The following DKC1 variants were observed in gnomAD, a reference collection of about 807,000 sequenced individuals.
DKC1 encodes the protein H/ACA ribonucleoprotein complex subunit DKC1.
A neutral mutation model predicts 46.7 loss-of-function variants in DKC1; 4 were observed. That is an observed-to-expected ratio of 0.09 (90% CI 0.04 to 0.20). The LOEUF is 0.20. DKC1 is among the 10% of genes least tolerant of loss of function. The probability of loss-of-function intolerance (pLI) is 1.00; values close to 1 mark genes in which losing one functional copy is unlikely to be tolerated. For synonymous variants in DKC1, 141 were observed against 142.4 expected, an observed-to-expected ratio of 0.99 and a Z score of 0.07; for missense variants, 171 against 404.2, an observed-to-expected ratio of 0.42 and a Z score of 4.95.
At chrX:154,771,025 AT>A in intron 10 of DKC1, 146 bp downstream of exon 10, 1 of 573,950 alleles carries the variant, frequency 1.7e-6, no homozygotes, top group Non-Finnish European at 2.8e-6. Flanking sequence ...CATCTTAAGC[AT>A]TTATCCTTTG....
chrX:154,768,083 G>A (rs2148511414), intron 7 of DKC1: 5 of 416,930 alleles, frequency 1.2e-5, no homozygotes, highest in Admixed American at 1.0e-4. Context: ...ATCTCCTGAC[G>A]TCGTGATCCA....
chrX:154,764,806 A>G, intron 1 of DKC1, 93 bp from the exon 2 acceptor site: 1 of 659,310 alleles, frequency 1.5e-6, no homozygotes, highest in East Asian at 3.3e-5. Flanking sequence ...CCTAAAATCC[A>G]TTTCCTACCT....
intron 4 of DKC1, 95 bp downstream of exon 4, chrX:154,766,093 T>C: frequency 4.0e-6 from 4 of 1,006,681 alleles, no homozygotes; most frequent in Non-Finnish European, 5.6e-6. Flanking sequence ...CCAGAATAGC[T>C]TTGTCTTGAA....
intron 10 of DKC1, among the ~76,000 whole-genome samples, chrX:154,772,392 A>C (rs1485340981): frequency 8.9e-6 from 1 of 111,812 alleles, no homozygotes; most frequent in African/African-American, 3.3e-5. Context: ...AAATGAGTTA[A>C]ATGTAGGTGT....
At chrX:154,765,336 A>G (rs2071731855) in intron 2 of DKC1, 108 bp from the exon 3 acceptor site, 4 of 669,053 alleles carry the variant, frequency 6.0e-6, no homozygotes, top group Non-Finnish European at 7.5e-6. Flanking sequence ...GTGAAAAGGC[A>G]TAGGAAGCCT....
Position 154,764,815 on chromosome X carries a change from C to T in DKC1, c.17-84C>T. 3 of 693,767 alleles carry T rather than the reference C, an allele frequency of 4.3e-6. No individual in the cohort carries two copies. In the Admixed American group the frequency reaches 6.7e-5, roughly 16 times the overall value. 57.2% of individuals were successfully genotyped at this position (693,767 alleles called of 1,213,427 possible). A position where few individuals can be genotyped will look rare whatever the true frequency, so the allele number is the denominator to read the frequency against. ...TGTAGACCTAAAATCCATTTCCTAC[C>T]TGCCCTAATTTCGGTCTTTATTTTA... On this transcript the variant is annotated intron_variant, in intron 1 of 14. Coordinates refer to ENST00000369550, the MANE Select transcript of DKC1 (RefSeq NM_001363.5).
intron 12 of DKC1, 186 bp downstream of exon 12, chrX:154,774,891 A>G: frequency 1.8e-6 from 1 of 569,850 alleles, no homozygotes; most frequent in Non-Finnish European, 3.2e-6. Flanking sequence ...GGGGAGGGGG[A>G]GTCACTTGGT....
intron 8 of DKC1, chrX:154,768,848 G>A (rs998721108): frequency 4.9e-4 from 131 of 269,985 alleles, no homozygotes; most frequent in Non-Finnish European, 7.7e-4. Flanking sequence ...TTAGCCGGGC[G>A]CGGTGGCGGG....
intron 5 of DKC1, 51 bp from the exon 6 acceptor site, chrX:154,766,946 A>C (rs1557264245): frequency 8.8e-7 from 1 of 1,133,166 alleles, no homozygotes; most frequent in South Asian, 1.8e-5. Flanking sequence ...AGAAATATGG[A>C]AAACAGAAAA....
intron 10 of DKC1, among the ~76,000 whole-genome samples, chrX:154,771,251 C>T (rs2071823167): frequency 1.1e-5 from 1 of 94,428 alleles, no homozygotes; most frequent in Admixed American, 1.3e-4. Context: ...AGTGCAGAGA[C>T]GTGACCTCGG....
intron 14 of DKC1, 152 bp downstream of exon 14, chrX:154,776,476 C>T: frequency 1.2e-6 from 1 of 852,119 alleles, no homozygotes; most frequent in Non-Finnish European, 1.7e-6. Flanking sequence ...TCCCCATGTT[C>T]CTGGAGTGCT....
chrX:154,767,986 G>A, intron 7 of DKC1: 1 of 271,761 alleles, frequency 3.7e-6, no homozygotes, highest in Non-Finnish European at 6.8e-6. Context: ...AAGTAGCTGG[G>A]ACTATAGGCG....
At chrX:154,766,053 A>C (rs2071741647) in intron 4 of DKC1, 55 bp downstream of exon 4, 1 of 1,054,404 alleles carries the variant, frequency 9.5e-7, no homozygotes, top group Non-Finnish European at 1.3e-6. Context: ...AAATGCTTTC[A>C]CATCAGCTAT....
rs147447481 is a variant in DKC1 at position 154,776,801 on chromosome X, C to T, written c.1479C>T (p.Asp493=). The change falls in exon 15 of 15, where the codon GAC becomes GAT. Residue 493 remains aspartate, a splice_region_variant and synonymous_variant. Coordinates refer to ENST00000369550, the MANE Select transcript of DKC1 (RefSeq NM_001363.5). ...GCTTTCATTCTCTTTCTTTCTAGGA[C>T]AGTGATACCACCAAGAAGAAGAAGA... ...LESGAEPGDG[D]SDTTKKKKKK... 2.5e-6 allele frequency: 3 copies of T among 1,204,804 alleles called. No homozygotes were observed. The highest frequency in any genetic ancestry group is 1.8e-5 in the African/African-American group (1 of 56,755).
rs369241109 is a variant in DKC1, at chrX:154,767,881, C to T, written c.641-421C>T. On this transcript the variant is annotated intron_variant, in intron 7 of 14. Coordinates refer to ENST00000369550, the MANE Select transcript of DKC1 (RefSeq NM_001363.5). ...TTTTTTTTTTTTTGAGACGGAGTCT[C>T]GCTCTGTCGCCCAGGCTGGAGTGCG... 6.4e-4 allele frequency: 73 copies of T among 114,746 alleles called. 2 individuals carry two copies. In the East Asian group the frequency reaches 0.016, roughly 26 times the overall value. 9.5% of individuals were successfully genotyped at this position (114,746 alleles called of 1,213,427 possible).
At chrX:154,766,036 C>A (rs2071741527) in intron 4 of DKC1, 38 bp downstream of exon 4, 9 of 1,111,688 alleles carry the variant, frequency 8.1e-6, no homozygotes, top group Non-Finnish European at 1.1e-5. Context: ...AACTTACTTT[C>A]TTTTGAAAAT....
intron 1 of DKC1, among the ~76,000 whole-genome samples, chrX:154,764,402 G>C (rs1557263934): frequency 9.2e-6 from 1 of 108,769 alleles, no homozygotes; most frequent in Non-Finnish European, 1.9e-5. Context: ...GTACACCTAG[G>C]CTACACTAAA....
At chrX:154,776,631 T>A in intron 14 of DKC1, among the ~76,000 whole-genome samples, 168 bp from the exon 15 acceptor site, 1 of 112,180 alleles carries the variant, frequency 8.9e-6, no homozygotes, top group Admixed American at 9.4e-5. Context: ...AGGGTGTCAC[T>A]GAAAGGTTTA....
intron 9 of DKC1, 132 bp from the exon 10 acceptor site, chrX:154,770,627 C>G: frequency 2.3e-6 from 2 of 867,923 alleles, no homozygotes; most frequent in Admixed American, 4.5e-5. Context: ...CCCCTTGCAG[C>G]TAGTGGGCTA....
Sources: allele counts gnomAD v4.1 joint callset (sites outside exome capture counted in the v4.1 genomes callset), GRCh38; gene constraint gnomAD v4.1.1; transcripts MANE v1.5; gene names NCBI Gene and HGNC (gene_info 2026-07-23, HGNC 2026-07-21).